The following WDR33 variants were observed in gnomAD, a reference collection of about 807,000 sequenced individuals.
WDR33 encodes WD repeat domain 33.
In WDR33, 47 loss-of-function variants were observed where a neutral mutation model predicts 164.9. That is an observed-to-expected ratio of 0.29 (90% CI 0.23 to 0.36). The LOEUF (loss-of-function observed/expected upper bound fraction) is 0.36. Ranked by LOEUF, WDR33 falls within the 10% of genes least tolerant of loss-of-function variation. The pLI is 1.00. For missense variants in WDR33, 1,137 were observed against 1,754.1 expected (o/e 0.65, Z 6.28); for synonymous variants, 505 against 589.0 (o/e 0.86, Z 2.06).
At chr2:127,775,528 C>T (rs77261525) in intron 1 of WDR33, among the ~76,000 whole-genome samples, 2,427 of 152,248 alleles carry the variant, frequency 0.016, 55 homozygotes, top group African/African-American at 0.056. Flanking sequence ...GATGAAACAA[C>T]AAAAAGTTGA....
chr2:127,723,055 T>C lies in WDR33; in HGVS notation c.1292-11A>G. On this transcript the variant is annotated splice_polypyrimidine_tract_variant and intron_variant, in intron 12 of 21. Transcript: ENST00000322313. This position sits in a 1 kb window ranked among gnomAD's most constrained non-coding sequence, Gnocchi z 5.9. ...TAGGTTCGAGGTCATCTATAAATAGTAATACACCATTGTCAATAGAGAATT... is the reference window on the plus strand; with the variant it reads ...TAGGTTCGAGGTCATCTATAAATAGCAATACACCATTGTCAATAGAGAATT... 6.3e-7 allele frequency: 1 copy of C among 1,593,690 alleles called. No homozygotes were observed. The highest frequency in any genetic ancestry group is 8.5e-7 in the Non-Finnish European group (1 of 1,171,332).
At chr2:127,774,316 T>C (rs940228062) in intron 1 of WDR33, among the ~76,000 whole-genome samples, 1 of 152,008 alleles carries the variant, frequency 6.6e-6, no homozygotes, top group African/African-American at 2.4e-5. Context: ...TTTCCCAAAG[T>C]GCTGGGATTA....
chr2:127,786,053 TGAGA>T (rs1299984892), intron 1 of WDR33, among the ~76,000 whole-genome samples: 3 of 152,216 alleles, frequency 2.0e-5, no homozygotes, highest in East Asian at 1.9e-4. Flanking sequence ...TTCTATTTTT[TGAGA>T]GAGTCTCCCT....
chr2:127,772,546 T>C (rs1046939101), intron 1 of WDR33, among the ~76,000 whole-genome samples: 2 of 152,210 alleles, frequency 1.3e-5, no homozygotes, highest in African/African-American at 4.8e-5. Flanking sequence ...TTGACTTTTG[T>C]TCTTTTAAAT....
At chr2:127,788,375 C>A (rs1193721254) in intron 1 of WDR33, among the ~76,000 whole-genome samples, 1 of 115,418 alleles carries the variant, frequency 8.7e-6, no homozygotes, top group Admixed American at 7.9e-5. Flanking sequence ...GGCGGCCGGG[C>A]AGAGGCGCTC....
rs1170783507 is a variant in WDR33, at chr2:127,718,935, C to A, written c.2760+330G>T. On this transcript the variant is annotated intron_variant, in intron 16 of 21. Coordinates refer to ENST00000322313, the MANE Select transcript of WDR33 (RefSeq NM_018383.5). This position sits in a 1 kb window ranked among gnomAD's most constrained non-coding sequence, Gnocchi z 4.4. Reference sequence around the variant, plus strand: ...CCGACCACCATGTAAAACATGCTTCCTCCTCAGGGCCACAGCTCTCCTGGA... The same window carrying A: ...CCGACCACCATGTAAAACATGCTTCATCCTCAGGGCCACAGCTCTCCTGGA... Among the ~76,000 whole-genome samples the A allele has an allele frequency of 6.6e-6, 1 of 152,214 alleles. No homozygotes were observed. The highest frequency in any genetic ancestry group is 1.5e-5 in the Non-Finnish European group (1 of 68,044).
intron 1 of WDR33, among the ~76,000 whole-genome samples, chr2:127,786,155 T>C (rs1368659901): frequency 6.6e-6 from 1 of 152,208 alleles, no homozygotes; most frequent in Non-Finnish European, 1.5e-5. Context: ...CACCTCAGCC[T>C]CCTGAGTAGC....
intron 1 of WDR33, among the ~76,000 whole-genome samples, chr2:127,781,415 T>C (rs1176586493): frequency 1.3e-5 from 2 of 152,048 alleles, no homozygotes; most frequent in African/African-American, 4.8e-5. Context: ...AACATAAACA[T>C]ATAGTAAGAT....
intron 1 of WDR33, among the ~76,000 whole-genome samples, chr2:127,777,411 A>G (rs1688221952): frequency 6.6e-6 from 1 of 152,242 alleles, no homozygotes; most frequent in South Asian, 2.1e-4. Context: ...TTTGCATCGC[A>G]TCCTTAGCCT....
In WDR33 at chr2:127,734,643, T is replaced by C. The variant is rs187072089; in HGVS notation, c.725-7866A>G. ...ACGTTTATTGAGCTCCTGTTATTGG[T>C]GCTCAACCTCTCAAATATGTGGTCA... On this transcript the variant is annotated intron_variant, in intron 7 of 21. Coordinates refer to ENST00000322313, the MANE Select transcript of WDR33 (RefSeq NM_018383.5). Among the ~76,000 whole-genome samples, 155 of 152,326 alleles carry C rather than the reference T, an allele frequency of 1.0e-3. 1 individual carries two copies. Among genetic ancestry groups the C allele is most frequent in the Non-Finnish European group, 1.5e-3 (103 of 68,008 alleles).
In WDR33 at chr2:127,725,687, T is replaced by C. The variant is rs568616015; in HGVS notation, c.852-472A>G. ...AGGCAGAGGTTGCAGTGAGCCGAGA[T>C]TGCACCAATGCACTCTAGTCTGGGT... On this transcript the variant is annotated intron_variant, in intron 8 of 21. Transcript: ENST00000322313. Among the ~76,000 whole-genome samples, 131 of 151,506 alleles carry C rather than the reference T, an allele frequency of 8.6e-4. 2 individuals carry two copies. Among genetic ancestry groups the C allele is most frequent in the Non-Finnish European group, 1.3e-3 (87 of 67,932 alleles).
intron 1 of WDR33, among the ~76,000 whole-genome samples, chr2:127,780,062 C>T (rs1688318459): frequency 6.6e-6 from 1 of 151,540 alleles, no homozygotes; most frequent in South Asian, 2.1e-4. Flanking sequence ...CAAGCTCCGC[C>T]TCCCGGGTTC....
chr2:127,748,223 C>T (rs534510455), intron 7 of WDR33, among the ~76,000 whole-genome samples: 2 of 152,278 alleles, frequency 1.3e-5, no homozygotes, highest in African/African-American at 4.8e-5. Flanking sequence ...AGCCCAAATC[C>T]TATAATACAT....
Position 127,701,385 on chromosome 2 carries a change from G to C in WDR33, c.*4938C>G, listed in dbSNP as rs1246491437. The C allele has an allele frequency of 2.5e-6, 2 of 788,690 alleles. No homozygotes were observed. The highest frequency in any genetic ancestry group is 1.7e-6 in the Non-Finnish European group (1 of 587,718). The allele number at this position is 788,690 out of a possible 1,614,324, so 48.9% of individuals were successfully genotyped here. ...TGGGGACACCACAAAAGTCCGCAGAGCAGGCACCGCGGCACTTCCGCGAGC... is the reference window on the plus strand; with the variant it reads ...TGGGGACACCACAAAAGTCCGCAGACCAGGCACCGCGGCACTTCCGCGAGC... On this transcript the variant is annotated 3_prime_UTR_variant, in exon 22 of 22. Coordinates refer to ENST00000322313, the MANE Select transcript of WDR33 (RefSeq NM_018383.5).
In WDR33 at chr2:127,709,026, G is replaced by A; in HGVS notation, c.3566-134C>T. The A allele has an allele frequency of 1.1e-6, 1 of 930,650 alleles. No homozygotes were observed. The highest frequency in any genetic ancestry group is 3.4e-5 in the Admixed American group (1 of 29,406). The allele number at this position is 930,650 out of a possible 1,614,324, so 57.6% of individuals were successfully genotyped here. On this transcript the variant is annotated intron_variant, in intron 20 of 21. Coordinates refer to ENST00000322313, the MANE Select transcript of WDR33 (RefSeq NM_018383.5). The surrounding 1 kb of genome is among the most constrained non-coding windows in gnomAD (Gnocchi z 5.0). ...CTGAATGCCCGCCAGAGGCCAAAGG[G>A]TAAGCCACCCAGACATCAGGGTGCC... is the stretch of plus-strand genomic sequence containing the variant.
intron 1 of WDR33, among the ~76,000 whole-genome samples, chr2:127,780,394 C>T (rs1354898194): frequency 6.6e-6 from 1 of 152,198 alleles, no homozygotes. Flanking sequence ...GATACCCAAT[C>T]TGTCATTGAA....
At position 127,709,739 on chromosome 2, in the gene WDR33, C is replaced by A; in HGVS notation, c.3426G>T (p.Ala1142=). The A allele has an allele frequency of 6.2e-7, 1 of 1,614,224 alleles. No homozygotes were observed. The highest frequency in any genetic ancestry group is 8.5e-7 in the Non-Finnish European group (1 of 1,180,040). The change falls in exon 19 of 22, where the codon GCG becomes GCT. Residue 1142 remains alanine, a synonymous_variant. Coordinates refer to ENST00000322313, the MANE Select transcript of WDR33 (RefSeq NM_018383.5). The surrounding 1 kb of genome is among the most constrained non-coding windows in gnomAD (Gnocchi z 5.0). ...GACCTCTGAGATCTCGTCCTCGGGC[C>A]GCTTCCTCAGAAGCATCAAAATTCT... ...PEENFDASEE[A]ARGRDLRGRG...
chr2:127,757,862 T>A (rs1408913010), intron 7 of WDR33, among the ~76,000 whole-genome samples: 2 of 152,002 alleles, frequency 1.3e-5, no homozygotes, highest in Non-Finnish European at 2.9e-5. Flanking sequence ...AACGAAAAGA[T>A]CTTTGTGTAG....
In WDR33 at chr2:127,764,222, C is replaced by T; in HGVS notation, c.626+606G>A. On this transcript the variant is annotated intron_variant, in intron 6 of 21. Coordinates refer to ENST00000322313, the MANE Select transcript of WDR33 (RefSeq NM_018383.5). The surrounding 1 kb of genome is among the most constrained non-coding windows in gnomAD (Gnocchi z 6.2). Reference sequence around the variant, plus strand: ...ACATTTGCATAAGTGATGTTATCAACAGTGAATCAGAAGAAAAGTCCTAGA... The same window carrying T: ...ACATTTGCATAAGTGATGTTATCAATAGTGAATCAGAAGAAAAGTCCTAGA... 4 of 1,110,184 alleles carry T rather than the reference C, an allele frequency of 3.6e-6. No individual in the cohort carries two copies. Among genetic ancestry groups the T allele is most frequent in the Non-Finnish European group, 4.4e-6 (4 of 910,950 alleles). 68.8% of individuals were successfully genotyped at this position (1,110,184 alleles called of 1,614,324 possible). A position where few individuals can be genotyped will look rare whatever the true frequency, so the allele number is the denominator to read the frequency against.
Sources: allele counts gnomAD v4.1 joint callset (sites outside exome capture counted in the v4.1 genomes callset), GRCh38; gene constraint gnomAD v4.1.1; non-coding constraint Gnocchi (gnomAD v3.1); transcripts MANE v1.5; gene names NCBI Gene and HGNC (gene_info 2026-07-23, HGNC 2026-07-21).